Variants in TEC observed in about 807,000 individuals in gnomAD.
The protein encoded by TEC is tec protein tyrosine kinase, also known as tyrosine-protein kinase Tec.
A neutral mutation model predicts 93.0 loss-of-function variants in TEC; 72 were observed. The observed-to-expected ratio is 0.77, with a 90% confidence interval of 0.64 to 0.94. The LOEUF (loss-of-function observed/expected upper bound fraction) is 0.94. Ranked by LOEUF, TEC falls within the 40% of genes least tolerant of loss-of-function variation. The pLI is 0.00. For synonymous variants in TEC, 249 were observed against 247.7 expected, an observed-to-expected ratio of 1.01 and a Z score of -0.05; for missense variants, 630 against 757.9, an observed-to-expected ratio of 0.83 and a Z score of 1.98.
chr4:48,171,212 G>A (rs2704434), intron 4 of TEC, among the ~76,000 whole-genome samples, 156 bp downstream of exon 4: 3,153 of 152,264 alleles, frequency 0.021, 119 homozygotes, highest in African/African-American at 0.072. Flanking sequence ...CAATATGCTG[G>A]TATAACTTAC....
chr4:48,181,978 T>C (rs903525641), intron 2 of TEC, among the ~76,000 whole-genome samples: 4 of 152,186 alleles, frequency 2.6e-5, no homozygotes, highest in Middle Eastern at 3.2e-3. Context: ...ATATGCTATA[T>C]GCTATTGTTA....
chr4:48,226,139 T>C (rs1723452100), intron 2 of TEC, among the ~76,000 whole-genome samples: 2 of 152,156 alleles, frequency 1.3e-5, no homozygotes, highest in African/African-American at 4.8e-5. Context: ...ACTCAATATG[T>C]TTATCTTCTT....
intron 2 of TEC, among the ~76,000 whole-genome samples, chr4:48,185,029 A>T (rs537628112): frequency 2.0e-5 from 3 of 152,076 alleles, no homozygotes; most frequent in Non-Finnish European, 4.4e-5. Context: ...CAGATATCAA[A>T]GTACCATAAT....
At chr4:48,247,196 C>A (rs1000641594) in intron 1 of TEC, among the ~76,000 whole-genome samples, 6 of 152,186 alleles carry the variant, frequency 3.9e-5, no homozygotes, top group Non-Finnish European at 5.9e-5. Flanking sequence ...GATACCACTT[C>A]ATACACACTA....
chr4:48,167,639 A>T, intron 7 of TEC, 139 bp downstream of exon 7: 1 of 726,750 alleles, frequency 1.4e-6, no homozygotes, highest in Admixed American at 2.6e-5. Flanking sequence ...CTGTGTTACT[A>T]CCAAGTAATA....
intron 2 of TEC, among the ~76,000 whole-genome samples, chr4:48,205,179 T>C (rs1310853274): frequency 1.3e-5 from 2 of 152,252 alleles, no homozygotes; most frequent in Non-Finnish European, 1.5e-5. Flanking sequence ...ATAAATGTTA[T>C]ATCCCTTTCT....
intron 1 of TEC, among the ~76,000 whole-genome samples, chr4:48,257,563 A>G (rs538316041): frequency 6.6e-6 from 1 of 152,284 alleles, no homozygotes; most frequent in African/African-American, 2.4e-5. Flanking sequence ...CTGAACTTCA[A>G]TCTCTTCATC....
chr4:48,142,848 T>C (rs1051709784), intron 14 of TEC, among the ~76,000 whole-genome samples: 5 of 151,584 alleles, frequency 3.3e-5, no homozygotes, highest in Non-Finnish European at 5.9e-5. Flanking sequence ...GCCTGGCTAA[T>C]TTTTTTTGTA....
At chr4:48,231,916 T>C (rs1723658105) in intron 1 of TEC, among the ~76,000 whole-genome samples, 1 of 152,138 alleles carries the variant, frequency 6.6e-6, no homozygotes, top group Non-Finnish European at 1.5e-5. Flanking sequence ...GGGCAGGACT[T>C]ATATGCAGTT....
intron 1 of TEC, among the ~76,000 whole-genome samples, chr4:48,235,102 A>C (rs902632364): frequency 2.0e-5 from 3 of 152,180 alleles, no homozygotes; most frequent in Admixed American, 2.0e-4. Flanking sequence ...TAGTAACATC[A>C]AGTTACTTCA....
At position 48,145,554 on chromosome 4, in the gene TEC, T is replaced by C. The variant is rs1719872862; in HGVS notation, c.1107A>G (p.Glu369=). ...SYEKWEINPS[E]LTFMRELGSG... ...TTCCCAATTCCCTCATAAAGGTCAG[T>C]TCTGAAGGGTTAATCTCCCATTTCT... The change falls in exon 13 of 18, where the codon GAA becomes GAG. Residue 369 remains glutamate, a synonymous_variant. Transcript: ENST00000381501. The C allele has an allele frequency of 6.2e-7, 1 of 1,614,012 alleles. No individual in the cohort carries two copies. Among genetic ancestry groups the C allele is most frequent in the Non-Finnish European group, 8.5e-7 (1 of 1,180,006 alleles).
intron 2 of TEC, among the ~76,000 whole-genome samples, chr4:48,182,533 C>CTGTG (rs1398958542): frequency 9.7e-5 from 7 of 71,852 alleles, no homozygotes; most frequent in African/African-American, 4.3e-4. Context: ...ATGGGCAATA[C>CTGTG]TCTGTGTGTG....
intron 9 of TEC, among the ~76,000 whole-genome samples, chr4:48,153,240 T>G (rs553354959): frequency 6.6e-6 from 1 of 151,944 alleles, no homozygotes; most frequent in Non-Finnish European, 1.5e-5. Context: ...AAAGAAATAC[T>G]TAAGTACTAA....
chr4:48,190,307 C>G (rs1722046501), intron 2 of TEC, among the ~76,000 whole-genome samples: 1 of 152,184 alleles, frequency 6.6e-6, no homozygotes, highest in South Asian at 2.1e-4. Flanking sequence ...CAGAAGCCCA[C>G]AGAGGCACTC....
chr4:48,161,598 C>CTT (rs34780131), intron 8 of TEC, among the ~76,000 whole-genome samples: 5 of 130,122 alleles, frequency 3.8e-5, no homozygotes, highest in Non-Finnish European at 6.5e-5. Context: ...CTGCCAGAGG[C>CTT]TTTTTTTTTT....
At chr4:48,269,517 G>T (rs914542087) in intron 1 of TEC, among the ~76,000 whole-genome samples, 5 of 152,250 alleles carry the variant, frequency 3.3e-5, no homozygotes, top group African/African-American at 1.2e-4. Flanking sequence ...ATCTACTGCC[G>T]GCAGGAAGGC....
chr4:48,237,999 T>C (rs1577664307), intron 1 of TEC, among the ~76,000 whole-genome samples: 1 of 152,232 alleles, frequency 6.6e-6, no homozygotes, highest in East Asian at 1.9e-4. Flanking sequence ...TGCGTAGCTA[T>C]TATATAAGAA....
intron 1 of TEC, among the ~76,000 whole-genome samples, chr4:48,241,106 A>G (rs1479962609): frequency 1.3e-5 from 2 of 152,202 alleles, no homozygotes; most frequent in South Asian, 2.1e-4. Flanking sequence ...TGACATTGTC[A>G]TATGTCCCAT....
At chr4:48,260,760 T>C (rs754537409) in intron 1 of TEC, among the ~76,000 whole-genome samples, 3 of 152,228 alleles carry the variant, frequency 2.0e-5, no homozygotes, top group Non-Finnish European at 4.4e-5. Flanking sequence ...AAATAAAGAT[T>C]GTAGAATTTG....
Sources: gnomAD v4.1 joint callset for allele counts (sites outside exome capture counted in the v4.1 genomes callset) on GRCh38, gnomAD v4.1.1 for gene constraint, MANE v1.5 for transcripts, NCBI Gene and HGNC (gene_info 2026-07-23, HGNC 2026-07-21) for gene names.